Variants in CCDC7 observed in about 807,000 individuals in gnomAD.
CCDC7 encodes the protein coiled-coil domain-containing protein 7.
CCDC7 carries 183 observed loss-of-function variants against 196.9 expected under a neutral mutation model. The ratio of observed to expected loss-of-function variants is 0.93; its 90% CI spans 0.82 to 1.05. CCDC7 has a LOEUF of 1.05. Among genes scored for constraint, CCDC7 ranks in the 50% least tolerant of loss-of-function variants. The pLI, the probability that CCDC7 is intolerant of heterozygous loss-of-function variation, is 0.00. For missense variants in CCDC7, 1,540 were observed against 1,482.2 expected (o/e 1.04, Z -0.64); for synonymous variants, 525 against 484.6 (o/e 1.08, Z -1.10).
chr10:32,807,968 C>T (rs897782779), intron 30 of CCDC7, among the ~76,000 whole-genome samples: 29 of 152,212 alleles, frequency 1.9e-4, no homozygotes, highest in African/African-American at 4.6e-4. Flanking sequence ...ATCCCTACAT[C>T]GTAGAGCCCC....
intron 28 of CCDC7, among the ~76,000 whole-genome samples, chr10:32,751,735 G>A (rs1184221768): frequency 2.0e-5 from 3 of 152,098 alleles, no homozygotes; most frequent in African/African-American, 7.2e-5. Context: ...CTGCTTGTGG[G>A]TAATGGGGGC....
At chr10:32,770,414 T>C (rs917559616) in intron 28 of CCDC7, among the ~76,000 whole-genome samples, 1 of 152,196 alleles carries the variant, frequency 6.6e-6, no homozygotes, top group Non-Finnish European at 1.5e-5. Context: ...TCCATGTATT[T>C]GTATAGTTTC....
intron 33 of CCDC7, among the ~76,000 whole-genome samples, chr10:32,837,580 T>C (rs2092700622): frequency 1.3e-5 from 2 of 152,136 alleles, no homozygotes; most frequent in Admixed American, 1.3e-4. Flanking sequence ...ACTGGGTATA[T>C]ACCCAAAGGA....
chr10:32,678,292 C>T (rs59794724), intron 21 of CCDC7, among the ~76,000 whole-genome samples: 1 of 152,008 alleles, frequency 6.6e-6, no homozygotes. Context: ...CAGAGCATCC[C>T]GTGGGGTTGT....
At chr10:32,808,615 A>G (rs552753261) in intron 30 of CCDC7, among the ~76,000 whole-genome samples, 142 of 114,372 alleles carry the variant, frequency 1.2e-3, no homozygotes, top group African/African-American at 3.5e-3. Flanking sequence ...CCCAAGGATT[A>G]GCCTGCCTGG....
chr10:32,689,574 C>T (rs565372945), intron 23 of CCDC7, among the ~76,000 whole-genome samples: 1 of 152,208 alleles, frequency 6.6e-6, no homozygotes, highest in African/African-American at 2.4e-5. Flanking sequence ...GGAAAGGTAA[C>T]CTAGGACACC....
intron 21 of CCDC7, among the ~76,000 whole-genome samples, chr10:32,667,219 T>TGAG (rs2072981276): frequency 6.6e-6 from 1 of 152,214 alleles, no homozygotes; most frequent in African/African-American, 2.4e-5. Context: ...TAGGTTTGTT[T>TGAG]GATTTTTTCT....
At chr10:32,463,285 T>C (rs910771839) in intron 5 of CCDC7, among the ~76,000 whole-genome samples, 1 of 152,138 alleles carries the variant, frequency 6.6e-6, no homozygotes, top group East Asian at 1.9e-4. Flanking sequence ...TGACACATTT[T>C]TTTTCCTAAA....
chr10:32,829,308 G>A (rs2091847505), intron 32 of CCDC7, among the ~76,000 whole-genome samples: 1 of 152,196 alleles, frequency 6.6e-6, no homozygotes, highest in East Asian at 1.9e-4. Context: ...GAAGGCAAAG[G>A]GAATACAGAA....
At chr10:32,593,402 T>G (rs1217295488) in intron 18 of CCDC7, among the ~76,000 whole-genome samples, 1 of 152,214 alleles carries the variant, frequency 6.6e-6, no homozygotes, top group Admixed American at 6.5e-5. Context: ...TTTGTTTGAT[T>G]TTTTCCTGTA....
intron 18 of CCDC7, among the ~76,000 whole-genome samples, chr10:32,593,001 A>G (rs1191349560): frequency 6.6e-6 from 1 of 152,232 alleles, no homozygotes; most frequent in African/African-American, 2.4e-5. Flanking sequence ...TAGTGCCACA[A>G]TAAACATATG....
chr10:32,767,475 T>C (rs2078498617), intron 28 of CCDC7, among the ~76,000 whole-genome samples: 1 of 152,156 alleles, frequency 6.6e-6, no homozygotes, highest in South Asian at 2.1e-4. Flanking sequence ...ATAGAACAAG[T>C]ATCTATTCCT....
At chr10:32,724,052 A>T (rs1420363807) in intron 25 of CCDC7, among the ~76,000 whole-genome samples, 1 of 152,068 alleles carries the variant, frequency 6.6e-6, no homozygotes, top group Non-Finnish European at 1.5e-5. Flanking sequence ...AAGCAAGCTC[A>T]GCTAGGGAAT....
chr10:32,686,204 A>T, intron 22 of CCDC7, 124 bp downstream of exon 23: 1 of 533,906 alleles, frequency 1.9e-6, no homozygotes, highest in South Asian at 3.3e-5. Flanking sequence ...TATGAATACC[A>T]TAAGATAACT....
At chr10:32,848,863 G>A in intron 39 of CCDC7, 145 bp downstream of exon 40, 2 of 681,900 alleles carry the variant, frequency 2.9e-6, no homozygotes, top group South Asian at 2.0e-5. Flanking sequence ...AAAATAAAAT[G>A]GTTTTAATTC....
intron 11 of CCDC7, among the ~76,000 whole-genome samples, chr10:32,532,301 G>A (rs2049800951): frequency 6.6e-6 from 1 of 152,078 alleles, no homozygotes; most frequent in Non-Finnish European, 1.5e-5. Flanking sequence ...CCCATTGGTT[G>A]TTTAGGAACG....
chr10:32,811,057 CAA>C (rs754702087), intron 30 of CCDC7, among the ~76,000 whole-genome samples: 14 of 152,022 alleles, frequency 9.2e-5, no homozygotes, highest in Non-Finnish European at 5.9e-5. Context: ...ACACCTCCAT[CAA>C]AGAGTAGAAA....
chr10:32,665,841 C>A (rs779856709), intron 21 of CCDC7, among the ~76,000 whole-genome samples: 14 of 151,860 alleles, frequency 9.2e-5, no homozygotes, highest in Non-Finnish European at 2.1e-4. Flanking sequence ...CATGGGATAT[C>A]TTTTTATTTA....
At chr10:32,528,150 T>A (rs1400925487) in intron 11 of CCDC7, among the ~76,000 whole-genome samples, 9 of 152,186 alleles carry the variant, frequency 5.9e-5, no homozygotes, top group Non-Finnish European at 8.8e-5. Flanking sequence ...TTGTTTCACT[T>A]AATATAATGG....
Sources: gnomAD v4.1 joint callset for allele counts (sites outside exome capture counted in the v4.1 genomes callset) on GRCh38, gnomAD v4.1.1 for gene constraint, MANE v1.5 for transcripts, NCBI Gene and HGNC (gene_info 2026-07-23, HGNC 2026-07-21) for gene names.